SH3BGRL: variants seen among roughly 807,000 people sequenced by gnomAD.
SH3BGRL encodes the protein adapter SH3BGRL.
In SH3BGRL, 7 loss-of-function variants were observed where a neutral mutation model predicts 9.8. The ratio of observed to expected loss-of-function variants is 0.72; its 90% CI spans 0.41 to 1.35. The LOEUF is 1.35. Among genes scored for constraint, SH3BGRL ranks in the 40% most tolerant of loss-of-function variants. SH3BGRL has a pLI of 0.01. For missense variants in SH3BGRL, 73 were observed against 84.4 expected (o/e 0.86, Z 0.53); for synonymous variants, 36 against 29.1 (o/e 1.24, Z -0.76).
At chrX:81,218,386 T>C (rs999303316) in intron 1 of SH3BGRL, among the ~76,000 whole-genome samples, 3 of 110,613 alleles carry the variant, frequency 2.7e-5, no homozygotes, top group South Asian at 7.5e-4. Flanking sequence ...TTCAAAGTTA[T>C]GTTTTAAGAT....
chrX:81,223,849 T>G (rs1345487208), intron 1 of SH3BGRL, among the ~76,000 whole-genome samples: 1 of 111,054 alleles, frequency 9.0e-6, no homozygotes, highest in East Asian at 2.8e-4. Context: ...TCTGACTGAT[T>G]AAAAAAAACT....
At position 81,263,947 on chromosome X, in the gene SH3BGRL, C is replaced by T. The variant is rs751494768; in HGVS notation, c.46-13037C>T. 3.7e-4 allele frequency among the ~76,000 whole-genome samples: 41 copies of T among 109,748 alleles called. 1 individual carries two copies. In the South Asian group the frequency reaches 0.011, roughly 30 times the overall value. On this transcript the variant is annotated intron_variant, in intron 1 of 3. Coordinates refer to ENST00000373212, the MANE Select transcript of SH3BGRL (RefSeq NM_003022.3). ...GCGGAGGCATGTGCTGTATTGTTCT[C>T]GGTGTGGTCCAGAAACCAGAGGCCT...
At chrX:81,219,446 A>G (rs2075593222) in intron 1 of SH3BGRL, among the ~76,000 whole-genome samples, 2 of 111,319 alleles carry the variant, frequency 1.8e-5, no homozygotes, top group South Asian at 7.4e-4. Context: ...TAGAAATGCT[A>G]CTGATTTCTG....
chrX:81,257,512 A>G (rs1482100213), intron 1 of SH3BGRL, among the ~76,000 whole-genome samples: 3 of 111,992 alleles, frequency 2.7e-5, no homozygotes, highest in South Asian at 3.7e-4. Context: ...CTGACTTCTC[A>G]ATCTGATGGC....
At chrX:81,252,173 A>G (rs977920019) in intron 1 of SH3BGRL, among the ~76,000 whole-genome samples, 2 of 112,103 alleles carry the variant, frequency 1.8e-5, no homozygotes, top group African/African-American at 6.5e-5. Context: ...CCAATAAACA[A>G]AGAAACATTC....
At chrX:81,266,671 A>C (rs770022283) in intron 1 of SH3BGRL, among the ~76,000 whole-genome samples, 1 of 111,576 alleles carries the variant, frequency 9.0e-6, no homozygotes, top group African/African-American at 3.3e-5. Flanking sequence ...CTTGCCCAGG[A>C]CTGTCTTGGC....
At chrX:81,226,221 A>G (rs1161959544) in intron 1 of SH3BGRL, among the ~76,000 whole-genome samples, 2 of 110,311 alleles carry the variant, frequency 1.8e-5, no homozygotes, top group Non-Finnish European at 3.8e-5. Context: ...GGATTTTTGT[A>G]TTCTGAAGTA....
chrX:81,253,782 G>A (rs759140134), intron 1 of SH3BGRL, among the ~76,000 whole-genome samples: 1 of 112,093 alleles, frequency 8.9e-6, no homozygotes, highest in Admixed American at 9.5e-5. Flanking sequence ...CATCTTGTGA[G>A]CAGTGGCACT....
At chrX:81,288,244 A>G (rs953772736) in intron 3 of SH3BGRL, among the ~76,000 whole-genome samples, 2 of 112,203 alleles carry the variant, frequency 1.8e-5, no homozygotes, top group African/African-American at 6.5e-5. Context: ...AACGTCTTTT[A>G]AGATAAAAGC....
intron 1 of SH3BGRL, among the ~76,000 whole-genome samples, chrX:81,204,690 C>T (rs1351987753): frequency 9.0e-6 from 1 of 110,715 alleles, no homozygotes; most frequent in Non-Finnish European, 1.9e-5. Context: ...ATTATGGTGG[C>T]GGGCGCCTGC....
chrX:81,272,052 C>T (rs1051316334), intron 1 of SH3BGRL, among the ~76,000 whole-genome samples: 1 of 109,138 alleles, frequency 9.2e-6, no homozygotes, highest in Non-Finnish European at 1.9e-5. Context: ...AAAAAATTAG[C>T]CAGGCATGGT....
intron 1 of SH3BGRL, among the ~76,000 whole-genome samples, chrX:81,236,550 CTT>C (rs1747737762): frequency 9.0e-6 from 1 of 111,347 alleles, no homozygotes; most frequent in Non-Finnish European, 1.9e-5. Context: ...GTGCTCTAGA[CTT>C]ATTAAATTTG....
chrX:81,216,383 C>T (rs1210372453), intron 1 of SH3BGRL, among the ~76,000 whole-genome samples: 3 of 111,546 alleles, frequency 2.7e-5, no homozygotes, highest in African/African-American at 9.8e-5. Context: ...ACAATAATCA[C>T]ATCAGGATAA....
chrX:81,205,888 T>A (rs1392642892), intron 1 of SH3BGRL, among the ~76,000 whole-genome samples: 1 of 111,441 alleles, frequency 9.0e-6, no homozygotes, highest in Non-Finnish European at 1.9e-5. Context: ...GTTATCTTTT[T>A]GGTAATAGCC....
intron 1 of SH3BGRL, among the ~76,000 whole-genome samples, chrX:81,214,924 C>T (rs968889749): frequency 7.2e-5 from 8 of 111,408 alleles, no homozygotes; most frequent in African/African-American, 2.6e-4. Flanking sequence ...GAAAGTATAA[C>T]TGATCTAATA....
Position 81,278,416 on chromosome X carries a change from G to A in SH3BGRL, c.312+5G>A. 5.3e-6 allele frequency: 6 copies of A among 1,122,772 alleles called. No homozygotes were observed. The highest frequency in any genetic ancestry group is 7.3e-6 in the Non-Finnish European group (6 of 826,692). The allele number at this position is 1,122,772 out of a possible 1,213,427, so 92.5% of individuals were successfully genotyped here. A position where few individuals can be genotyped will look rare whatever the true frequency, so the allele number is the denominator to read the frequency against. ...ACAGCCCCACCTGGTTCAAAGGTAT[G>A]ATACCCTTTTTTTCCTGTTTTATAG... On this transcript the variant is annotated splice_donor_5th_base_variant and intron_variant, in intron 3 of 3. Coordinates refer to ENST00000373212, the MANE Select transcript of SH3BGRL (RefSeq NM_003022.3).
chrX:81,288,038 A>G lies in SH3BGRL; in HGVS notation c.313-9157A>G, dbSNP rs779919833. Among the ~76,000 whole-genome samples the G allele has an allele frequency of 4.6e-4, 51 of 111,617 alleles. 1 individual carries two copies. In the South Asian group the frequency reaches 0.019, roughly 41 times the overall value. On this transcript the variant is annotated intron_variant, in intron 3 of 3. Coordinates refer to ENST00000373212, the MANE Select transcript of SH3BGRL (RefSeq NM_003022.3). ...GATGAATACTGATACAAAATTTTTC[A>G]AAAATATATTAGCAAACAGAATTCA...
Position 81,277,054 on chromosome X carries a change from T to C in SH3BGRL, c.116T>C (p.Ile39Thr), listed in dbSNP as rs779926072. 2 of 1,206,664 alleles carry C rather than the reference T, an allele frequency of 1.7e-6. No homozygotes were observed. Among genetic ancestry groups the C allele is most frequent in the Non-Finnish European group, 2.2e-6 (2 of 892,420 alleles). ...AAAATAGGATTTGAAGAAAAAGATA[T>C]TGCAGCCAATGAAGAGAATCGGAAG... ...ANKIGFEEKD[I>T]AANEENRKWM... Residue 39 changes from isoleucine (I) to threonine (T), a missense_variant, in exon 2 of 4, where the codon ATT becomes ACT. Coordinates refer to ENST00000373212, the MANE Select transcript of SH3BGRL (RefSeq NM_003022.3).
chrX:81,231,340 G>C (rs2075632347), intron 1 of SH3BGRL, among the ~76,000 whole-genome samples: 1 of 112,359 alleles, frequency 8.9e-6, no homozygotes, highest in Admixed American at 9.4e-5. Context: ...TAAAAGAGTT[G>C]TGAAATGTGG....
Sources: gnomAD v4.1 joint callset for allele counts (sites outside exome capture counted in the v4.1 genomes callset) on GRCh38, gnomAD v4.1.1 for gene constraint, MANE v1.5 for transcripts, NCBI Gene and HGNC (gene_info 2026-07-23, HGNC 2026-07-21) for gene names.